The following CHML variants were observed in gnomAD, a reference collection of about 807,000 sequenced individuals.
CHML encodes rab proteins geranylgeranyltransferase component A 2.
A neutral mutation model predicts 30.4 loss-of-function variants in CHML; 20 were observed. That is an observed-to-expected ratio of 0.66 (90% CI 0.46 to 0.95). CHML has a LOEUF of 0.95. Ranked by LOEUF, CHML falls within the 40% of genes least tolerant of loss-of-function variation. CHML has a pLI of 0.00. For synonymous variants in CHML, 281 were observed against 275.0 expected (o/e 1.02, Z -0.22); for missense variants, 795 against 768.5 (o/e 1.03, Z -0.41).
At chr1:241,636,460 C>T (rs1463071075) in intron 1 of CHML, among the ~76,000 whole-genome samples, 1 of 152,204 alleles carries the variant, frequency 6.6e-6, no homozygotes, top group East Asian at 1.9e-4. Flanking sequence ...AAACTATGTG[C>T]ATACTGCCAT....
rs767371470 is a variant in CHML at position 241,635,196 on chromosome 1, CTG to C, written c.569_570del (p.Thr190SerfsTer4). 1.9e-6 allele frequency: 3 copies of C among 1,613,234 alleles called. No individual in the cohort carries two copies. Among genetic ancestry groups the C allele is most frequent in the Non-Finnish European group, 2.5e-6 (3 of 1,179,902 alleles). Reference sequence around the variant, plus strand: ...TCTTTATCTCCATCTTTATCTGAAACTGTGTGCATACAAGTTTTATCTCCACA... The same window carrying C: ...TCTTTATCTCCATCTTTATCTGAAACTGTGCATACAAGTTTTATCTCCACA... ...KYCGDKTCMH[T>X]VSDKDGDKDE... On this transcript the variant is annotated frameshift_variant, in exon 2 of 2. Coordinates refer to ENST00000366553, the MANE Select transcript of CHML (RefSeq NM_001381853.1). LOFTEE classifies it high-confidence loss of function.
chr1:241,634,934 C>A lies in CHML; in HGVS notation c.833G>T (p.Cys278Phe), dbSNP rs750684763. ...FREGKVEQVP[C>F]SRADVFNSKE... ...GCTATTAAAGACATCTGCTCTGGAA[C>A]AAGGAACTTGTTCTACCTTTCCTTC... is the stretch of plus-strand genomic sequence containing the variant. Residue 278 changes from cysteine to phenylalanine, a missense_variant, in exon 2 of 2, where the codon TGT becomes TTT. By Grantham distance (205) the Cys-to-Phe change is radical. Transcript: ENST00000366553. The A allele has an allele frequency of 3.1e-6, 5 of 1,612,940 alleles. No individual in the cohort carries two copies. Among genetic ancestry groups the A allele is most frequent in the East Asian group, 2.2e-5 (1 of 44,860 alleles).
chr1:241,637,783 T>C (rs1485569174), intron 1 of CHML, among the ~76,000 whole-genome samples: 1 of 152,180 alleles, frequency 6.6e-6, no homozygotes, highest in Non-Finnish European at 1.5e-5. Context: ...GCCCGCACAA[T>C]GCATGAGTCG....
chr1:241,631,925 A>G lies in CHML; in HGVS notation c.*1871T>C, dbSNP rs999863742. ...AAAGATCAAAGGTTTTAGAATCACA[A>G]AAGGCTGGGTCCCCATGTTGGCTCT... On this transcript the variant is annotated 3_prime_UTR_variant, in exon 2 of 2. Coordinates refer to ENST00000366553, the MANE Select transcript of CHML (RefSeq NM_001381853.1). 3 of 152,144 alleles carry G rather than the reference A, an allele frequency of 2.0e-5. No homozygotes were observed. The highest frequency in any genetic ancestry group is 4.4e-5 in the Non-Finnish European group (3 of 68,012). 9.4% of individuals were successfully genotyped at this position (152,144 alleles called of 1,614,324 possible). A position where few individuals can be genotyped will look rare whatever the true frequency, so the allele number is the denominator to read the frequency against.
chr1:241,636,955 T>TA (rs11457259), intron 1 of CHML, among the ~76,000 whole-genome samples: 89,171 of 147,950 alleles, frequency 0.6, 26,717 homozygotes, highest in Non-Finnish European at 0.64. Context: ...AGGGGAAGTT[T>TA]AAAAAAAAAA....
rs775819168 is a variant in CHML at position 241,629,059 on chromosome 1, T to C, written c.*4737A>G. ...TGAATCTCACTTTTTTGCATACAAT[T>C]TGACATATATCAATATTATTGAATG... On this transcript the variant is annotated 3_prime_UTR_variant, in exon 2 of 2. Coordinates refer to ENST00000366553, the MANE Select transcript of CHML (RefSeq NM_001381853.1). 5.2e-5 allele frequency: 8 copies of C among 152,640 alleles called. No homozygotes were observed. Among genetic ancestry groups the C allele is most frequent in the Admixed American group, 1.3e-4 (2 of 15,282 alleles). 9.5% of individuals were successfully genotyped at this position (152,640 alleles called of 1,614,324 possible).
At position 241,640,285 on chromosome 1, in the gene CHML, G is replaced by A. The variant is rs1329797712; in HGVS notation, c.-711C>T. 6.0e-6 allele frequency: 7 copies of A among 1,159,810 alleles called. No homozygotes were observed. Among genetic ancestry groups the A allele is most frequent in the Admixed American group, 4.7e-5 (1 of 21,110 alleles). 71.8% of individuals were successfully genotyped at this position (1,159,810 alleles called of 1,614,324 possible). A position where few individuals can be genotyped will look rare whatever the true frequency, so the allele number is the denominator to read the frequency against. Reference sequence around the variant, plus strand: ...GGCGCCGGCGCGCCTGGCGGGCGGAGGCGCTCAGCTTGCGGCGGGGCTCGC... The same window carrying A: ...GGCGCCGGCGCGCCTGGCGGGCGGAAGCGCTCAGCTTGCGGCGGGGCTCGC... On this transcript the variant is annotated 5_prime_UTR_variant, in exon 1 of 2. Transcript: ENST00000366553.
intron 1 of CHML, among the ~76,000 whole-genome samples, chr1:241,637,818 T>C (rs928411336): frequency 5.9e-5 from 9 of 152,186 alleles, no homozygotes; most frequent in South Asian, 2.1e-4. Flanking sequence ...GGATCCACTC[T>C]TGTGCCATCA....
chr1:241,633,532 C>T lies in CHML; in HGVS notation c.*264G>A, dbSNP rs1664730132. The T allele has an allele frequency of 2.3e-6, 1 of 444,380 alleles. No homozygotes were observed. The allele number at this position is 444,380 out of a possible 1,614,324, so 27.5% of individuals were successfully genotyped here. The stretch of plus-strand genomic sequence containing the variant: ...AATATGGAACCCTTACATATATACC[C>T]AATACTAAAATAAAGCTAACTCTGT... On this transcript the variant is annotated 3_prime_UTR_variant, in exon 2 of 2. Coordinates refer to ENST00000366553, the MANE Select transcript of CHML (RefSeq NM_001381853.1).
At position 241,630,713 on chromosome 1, in the gene CHML, T is replaced by C. The variant is rs1323190970; in HGVS notation, c.*3083A>G. The stretch of plus-strand genomic sequence containing the variant: ...TTCCCAGTAGGAATAATGGTAGTTC[T>C]TGGTTTAAGTACTTAACAGACTCCG... On this transcript the variant is annotated 3_prime_UTR_variant, in exon 2 of 2. Coordinates refer to ENST00000366553, the MANE Select transcript of CHML (RefSeq NM_001381853.1). 3 of 152,128 alleles carry C rather than the reference T, an allele frequency of 2.0e-5. No homozygotes were observed. The highest frequency in any genetic ancestry group is 2.9e-5 in the Non-Finnish European group (2 of 67,960). 9.4% of individuals were successfully genotyped at this position (152,128 alleles called of 1,614,324 possible).
In CHML at chr1:241,634,517, C is replaced by A. The variant is rs80336474; in HGVS notation, c.1250G>T (p.Arg417Leu). 3.1e-6 allele frequency: 5 copies of A among 1,613,850 alleles called. No individual in the cohort carries two copies. The highest frequency in any genetic ancestry group is 4.2e-6 in the Non-Finnish European group (5 of 1,179,880). ...AAAGTGATCTATAATTGCTTTACAT[C>A]GTCCAGATTCTTTGTCGACTACAAA... ...QCFVVDKESG[R>L]CKAIIDHFGQ... Residue 417 changes from arginine to leucine, a missense_variant, in exon 2 of 2, where the codon CGA becomes CTA. Physicochemically the swap from Arg to Leu is moderately radical, Grantham distance 102 (BLOSUM62 -2). Coordinates refer to ENST00000366553, the MANE Select transcript of CHML (RefSeq NM_001381853.1).
At position 241,635,384 on chromosome 1, in the gene CHML, G is replaced by GAC. The variant is rs777200578; in HGVS notation, c.381_382dup (p.Ser128CysfsTer41). On this transcript the variant is annotated frameshift_variant, in exon 2 of 2. Transcript: ENST00000366553. LOFTEE classifies it high-confidence loss of function. ...ATCCAGAACTTCAGTGAAGGTATTAGACACCCCCAAAGAAGGATTTTTCTG... is the reference window on the plus strand; with the variant it reads ...ATCCAGAACTTCAGTGAAGGTATTAGACACACCCCCAAAGAAGGATTTTTCTG... 6.2e-7 allele frequency: 1 copy of GAC among 1,614,026 alleles called. No homozygotes were observed. Among genetic ancestry groups the GAC allele is most frequent in the East Asian group, 2.2e-5 (1 of 44,890 alleles).
At position 241,630,759 on chromosome 1, in the gene CHML, C is replaced by T. The variant is rs1270509055; in HGVS notation, c.*3037G>A. ...CTCCGAGAAGTCTATTAAATCATTG[C>T]CAGAGAAATAATTAAATCAAGGGTG... On this transcript the variant is annotated 3_prime_UTR_variant, in exon 2 of 2. Coordinates refer to ENST00000366553, the MANE Select transcript of CHML (RefSeq NM_001381853.1). 1 of 151,806 alleles carries T rather than the reference C, an allele frequency of 6.6e-6. No individual in the cohort carries two copies. Among genetic ancestry groups the T allele is most frequent in the Non-Finnish European group, 1.5e-5 (1 of 67,886 alleles). The allele number at this position is 151,806 out of a possible 1,614,324, so 9.4% of individuals were successfully genotyped here.
rs1427016178 is a variant in CHML at position 241,629,431 on chromosome 1, T to C, written c.*4365A>G. On this transcript the variant is annotated 3_prime_UTR_variant, in exon 2 of 2. Coordinates refer to ENST00000366553, the MANE Select transcript of CHML (RefSeq NM_001381853.1). ...CATTTTTAATATTAGGAAATTTGAA[T>C]ACCATTCAAATTGATTTTTTATATC... The C allele has an allele frequency of 6.6e-6, 1 of 151,832 alleles. No homozygotes were observed. Among genetic ancestry groups the C allele is most frequent in the African/African-American group, 2.4e-5 (1 of 41,440 alleles). The allele number at this position is 151,832 out of a possible 1,614,324, so 9.4% of individuals were successfully genotyped here.
At position 241,635,917 on chromosome 1, in the gene CHML, A is replaced by AT. The variant is rs529729179; in HGVS notation, c.-152dup. The AT allele has an allele frequency of 1.5e-3, 1,063 of 707,928 alleles. 1 individual carries two copies. The highest frequency in any genetic ancestry group is 1.7e-3 in the Non-Finnish European group (733 of 433,674). 43.9% of individuals were successfully genotyped at this position (707,928 alleles called of 1,614,324 possible). ...TGTTTAACGGTTACCCTTTTAAAAT[A>AT]TTTTTTTTCTTATAAGTCAGTAGCA... On this transcript the variant is annotated 5_prime_UTR_variant, in exon 2 of 2. An upstream open reading frame in the 5' UTR loses its in-frame stop. Coordinates refer to ENST00000366553, the MANE Select transcript of CHML (RefSeq NM_001381853.1).
rs1343359698 is a variant in CHML at position 241,640,321 on chromosome 1, G to A, written c.-747C>T. On this transcript the variant is annotated 5_prime_UTR_variant, in exon 1 of 2. Transcript: ENST00000366553. ...TGCGGCGGGGCTCGCGGCGCGCTCCGCACTGGGTGGGGTTGGGGCTCCGCC... is the reference window on the plus strand; with the variant it reads ...TGCGGCGGGGCTCGCGGCGCGCTCCACACTGGGTGGGGTTGGGGCTCCGCC... 4 of 1,092,558 alleles carry A rather than the reference G, an allele frequency of 3.7e-6. No homozygotes were observed. Among genetic ancestry groups the A allele is most frequent in the Non-Finnish European group, 1.1e-6 (1 of 902,662 alleles). The allele number at this position is 1,092,558 out of a possible 1,614,324, so 67.7% of individuals were successfully genotyped here.
Position 241,634,430 on chromosome 1 carries a change from C to G in CHML, c.1337G>C (p.Cys446Ser). Residue 446 changes from cysteine to serine, a missense_variant, in exon 2 of 2, where the codon TGC becomes TCC. Cys to Ser is a moderately radical substitution (Grantham distance 112, BLOSUM62 -1). Coordinates refer to ENST00000366553, the MANE Select transcript of CHML (RefSeq NM_001381853.1). ...VEDSYLSEET[C>S]SNVQYKQISR... ...GATCTGCTTATACTGCACATTTGAG[C>G]ATGTTTCCTCAGAAAGGTAACTGTC... 1 of 1,613,694 alleles carries G rather than the reference C, an allele frequency of 6.2e-7. No individual in the cohort carries two copies. The highest frequency in any genetic ancestry group is 8.5e-7 in the Non-Finnish European group (1 of 1,179,904).
Position 241,639,721 on chromosome 1 carries a change from G to C in CHML, c.-308+161C>G, listed in dbSNP as rs377573355. 3.6e-4 allele frequency among the ~76,000 whole-genome samples: 52 copies of C among 145,008 alleles called. No homozygotes were observed. In the East Asian group the frequency reaches 0.011, roughly 32 times the overall value. ...CGCCATGCGGCTGGGGTCGGGCAGC[G>C]TTGAGGAGGCGAGCGGGGAGCGGGG... On this transcript the variant is annotated intron_variant, in intron 1 of 1. Coordinates refer to ENST00000366553, the MANE Select transcript of CHML (RefSeq NM_001381853.1).
At position 241,634,681 on chromosome 1, in the gene CHML, G is replaced by C. The variant is rs1395604993; in HGVS notation, c.1086C>G (p.Asn362Lys). 6.2e-7 allele frequency: 1 copy of C among 1,613,990 alleles called. No homozygotes were observed. The highest frequency in any genetic ancestry group is 2.2e-5 in the East Asian group (1 of 44,880). Reference protein sequence around the residue: ...TTIDGLNATKNFLQCLGRFGN... With the variant: ...TTIDGLNATKKFLQCLGRFGN... Reference sequence around the variant, plus strand: ...CAAACCGTCCGAGACACTGAAGGAAGTTTTTAGTTGCGTTAAGACCATCTA... The same window carrying C: ...CAAACCGTCCGAGACACTGAAGGAACTTTTTAGTTGCGTTAAGACCATCTA... The change falls in exon 2 of 2, where the codon AAC (asparagine) becomes AAG (lysine). Residue 362 changes from asparagine to lysine, a missense_variant. Physicochemically the swap from Asn to Lys is moderately conservative, Grantham distance 94. Coordinates refer to ENST00000366553, the MANE Select transcript of CHML (RefSeq NM_001381853.1).
Sources: allele counts gnomAD v4.1 joint callset (sites outside exome capture counted in the v4.1 genomes callset), GRCh38; gene constraint gnomAD v4.1.1; transcripts MANE v1.5; gene names NCBI Gene and HGNC (gene_info 2026-07-23, HGNC 2026-07-21).